Variants in TBC1D21 observed in about 807,000 individuals in gnomAD.
TBC1D21 encodes TBC1 domain family member 21, also known as male germ cell Rab GTPase-activating protein.
In TBC1D21, 38 loss-of-function variants were observed where a neutral mutation model predicts 46.0. The observed-to-expected ratio is 0.83, with a 90% CI of 0.64 to 1.08. The LOEUF (loss-of-function observed/expected upper bound fraction) is 1.08. TBC1D21 is among the 50% of genes least tolerant of loss of function. The probability of loss-of-function intolerance (pLI) is 0.00; values close to 1 mark genes in which losing one functional copy is unlikely to be tolerated. For missense variants in TBC1D21, 415 were observed against 417.9 expected, an observed-to-expected ratio of 0.99 and a Z score of 0.06; for synonymous variants, 151 against 157.2, an observed-to-expected ratio of 0.96 and a Z score of 0.29.
Position 73,881,628 on chromosome 15 carries a change from C to A in TBC1D21, c.169-16C>A. ...TCGATAGAGCCCATGACCTCCACCT[C>A]CCACCCCCACCCCAGGGTCTGCACC... On this transcript the variant is annotated splice_polypyrimidine_tract_variant and intron_variant, in intron 2 of 10. Coordinates refer to ENST00000300504, the MANE Select transcript of TBC1D21 (RefSeq NM_153356.3). 1.9e-6 allele frequency: 3 copies of A among 1,605,404 alleles called. No individual in the cohort carries two copies. The highest frequency in any genetic ancestry group is 2.6e-6 in the Non-Finnish European group (3 of 1,172,538).
At chr15:73,898,880 A>AAAAAAAATATATAT in the TBC1D21 span, among the ~76,000 whole-genome samples, 18 of 56,792 alleles carry the variant, frequency 3.2e-4, no homozygotes, top group African/African-American at 9.1e-4. Flanking sequence ...AAAAAAAAAA[A>AAAAAAAATATATAT]ATATATATAT....
chr15:73,887,590 G>C (rs1233022639), intron 8 of TBC1D21, 30 bp from the exon 9 acceptor site: 1 of 1,601,052 alleles, frequency 6.2e-7, no homozygotes, highest in South Asian at 1.1e-5. Flanking sequence ...TCAGACCACA[G>C]GGCCCAGACT....
chr15:73,899,399 C>T, the TBC1D21 span, among the ~76,000 whole-genome samples: 126 of 152,280 alleles, frequency 8.3e-4, no homozygotes, highest in East Asian at 2.5e-3. Context: ...TCCAGTCCTC[C>T]GGGTCATTCA....
In TBC1D21 at chr15:73,884,987, C is replaced by G. The variant is rs1307431327; in HGVS notation, c.479-16C>G. ...TCCCACCCAGCCCCTCCTCCCCAAC[C>G]CCCTCTTCGCCACAGAGTACCAGCA... On this transcript the variant is annotated splice_polypyrimidine_tract_variant and intron_variant, in intron 5 of 10. Coordinates refer to ENST00000300504, the MANE Select transcript of TBC1D21 (RefSeq NM_153356.3). 1 of 1,612,664 alleles carries G rather than the reference C, an allele frequency of 6.2e-7. No homozygotes were observed. The highest frequency in any genetic ancestry group is 8.5e-7 in the Non-Finnish European group (1 of 1,179,006).
downstream of TBC1D21, among the ~76,000 whole-genome samples, chr15:73,891,545 G>A (rs2068336567): frequency 6.6e-6 from 1 of 152,176 alleles, no homozygotes; most frequent in African/African-American, 2.4e-5. Context: ...CCCTGGCACA[G>A]CTGCAGCCAC....
At chr15:73,906,135 G>T in the TBC1D21 span, among the ~76,000 whole-genome samples, 1 of 152,176 alleles carries the variant, frequency 6.6e-6, no homozygotes, top group Non-Finnish European at 1.5e-5. Flanking sequence ...AAAGTTTGTT[G>T]TGCTACTTCT....
At chr15:73,896,919 G>T in the TBC1D21 span, among the ~76,000 whole-genome samples, 2 of 152,196 alleles carry the variant, frequency 1.3e-5, no homozygotes, top group Non-Finnish European at 1.5e-5. Flanking sequence ...GTAGTGGAAT[G>T]GGGCTGCCAT....
At chr15:73,890,496 T>A (rs925341576), downstream of TBC1D21, among the ~76,000 whole-genome samples, 2 of 152,186 alleles carry the variant, frequency 1.3e-5, no homozygotes, top group Non-Finnish European at 2.9e-5. Flanking sequence ...AAATAAGTGT[T>A]CCCGCATGAA....
chr15:73,888,530 A>G lies in TBC1D21; in HGVS notation c.978+17A>G, dbSNP rs1396225998. The G allele has an allele frequency of 1.2e-6, 2 of 1,603,612 alleles. No homozygotes were observed. Among genetic ancestry groups the G allele is most frequent in the African/African-American group, 2.7e-5 (2 of 73,840 alleles). ...CAGAAGGATGTAAGTTGCCCCAATG[A>G]TGTGTCCTCCTCCTCCTCTTCCTCC... is the stretch of plus-strand genomic sequence containing the variant. On this transcript the variant is annotated intron_variant, in intron 10 of 10. Transcript: ENST00000300504.
At chr15:73,886,242 T>G (rs2068244119) in intron 7 of TBC1D21, 68 bp downstream of exon 7, 2 of 1,386,220 alleles carry the variant, frequency 1.4e-6, no homozygotes, top group Non-Finnish European at 1.0e-6. Flanking sequence ...GGGACCCAAC[T>G]GTCAGTCCCT....
rs2068203015 is a variant in TBC1D21 at position 73,884,214 on chromosome 15, C to T, written c.336C>T (p.His112=). ...TTCAGCCCCTTCTGGAAAACCTGCA[C>T]CGGAACTTCACAGAGACTCGCAATA... ...EKIQPLLENL[H]RNFTETRNNI... The change falls in exon 4 of 11, where the codon CAC becomes CAT. Residue 112 remains histidine (H), a synonymous_variant. Transcript: ENST00000300504. 4.3e-6 allele frequency: 7 copies of T among 1,614,228 alleles called. No individual in the cohort carries two copies. The East Asian group carries it at 6.7e-5, about 15-fold the overall frequency.
downstream of TBC1D21, among the ~76,000 whole-genome samples, chr15:73,893,203 G>A (rs137959448): frequency 4.1e-3 from 628 of 152,296 alleles, 1 homozygote; most frequent in African/African-American, 0.015. Context: ...GCAGTGGGGA[G>A]GGCTCTGATA....
At chr15:73,892,302 C>G (rs183003200), downstream of TBC1D21, among the ~76,000 whole-genome samples, 8 of 152,192 alleles carry the variant, frequency 5.3e-5, no homozygotes, top group Non-Finnish European at 1.2e-4. Flanking sequence ...TGAGACCCAC[C>G]GAATGGCAGG....
Sources: allele counts gnomAD v4.1 joint callset (sites outside exome capture counted in the v4.1 genomes callset), GRCh38; gene constraint gnomAD v4.1.1; transcripts MANE v1.5; gene names NCBI Gene and HGNC (gene_info 2026-07-23, HGNC 2026-07-21).